Variants in GAN observed in about 807,000 individuals in gnomAD.
The protein encoded by GAN is epididymis secretory sperm binding protein.
Under a neutral mutation model 71.3 loss-of-function variants are expected in GAN, and 48 were observed. The ratio of observed to expected loss-of-function variants is 0.67; its 90% CI spans 0.53 to 0.86. The LOEUF (loss-of-function observed/expected upper bound fraction) is 0.86, where lower values mean the gene tolerates loss of function less well. Among genes scored for constraint, GAN ranks in the 40% least tolerant of loss-of-function variants. GAN has a pLI of 0.00. For synonymous variants in GAN, 386 were observed against 276.8 expected (o/e 1.39, Z -3.92); for missense variants, 928 against 770.1 (o/e 1.21, Z -2.43).
chr16:81,348,253 G>A (rs2150681960), intron 1 of GAN, among the ~76,000 whole-genome samples: 1 of 151,538 alleles, frequency 6.6e-6, no homozygotes, highest in East Asian at 1.9e-4. Flanking sequence ...ACCATTTTTT[G>A]CTGGCTTATG....
Position 81,315,091 on chromosome 16 carries a change from T to C in GAN, c.-23T>C. The C allele has an allele frequency of 6.8e-7, 1 of 1,467,226 alleles. No individual in the cohort carries two copies. Among genetic ancestry groups the C allele is most frequent in the Non-Finnish European group, 9.1e-7 (1 of 1,104,048 alleles). 90.9% of individuals were successfully genotyped at this position (1,467,226 alleles called of 1,614,324 possible). On this transcript the variant is annotated 5_prime_UTR_variant, in exon 1 of 11. Transcript: ENST00000648994. ...CGGACGGTGTCGGGAGCCGGACCCG[T>C]CGGCAGAGGAGCGGGCGCCGCGATG...
intron 1 of GAN, among the ~76,000 whole-genome samples, chr16:81,333,308 TG>T (rs1909649593): frequency 6.6e-6 from 1 of 152,032 alleles, no homozygotes; most frequent in East Asian, 1.9e-4. Context: ...ATTAATAAGT[TG>T]TGGGAGCAAC....
Position 81,384,056 on chromosome 16 carries a change from G to A in GAN, c.*6460G>A, listed in dbSNP as rs1904333664. 1 of 152,116 alleles carries A rather than the reference G, an allele frequency of 6.6e-6. No individual in the cohort carries two copies. Among genetic ancestry groups the A allele is most frequent in the East Asian group, 1.9e-4 (1 of 5,180 alleles). The allele number at this position is 152,116 out of a possible 1,614,324, so 9.4% of individuals were successfully genotyped here. A position where few individuals can be genotyped will look rare whatever the true frequency, so the allele number is the denominator to read the frequency against. ...CAGTCAACTTGGTTTAAATACAACT[G>A]TACTAACTTGCTTTATCATGTTTCC... On this transcript the variant is annotated 3_prime_UTR_variant, in exon 11 of 11. Coordinates refer to ENST00000648994, the MANE Select transcript of GAN (RefSeq NM_022041.4).
In GAN at chr16:81,365,014, T is replaced by C. The variant is rs781073999; in HGVS notation, c.1277T>C (p.Met426Thr). The change falls in exon 8 of 11, where the codon ATG (methionine) becomes ACG (threonine). Residue 426 changes from methionine (M) to threonine (T), a missense_variant. Coordinates refer to ENST00000648994, the MANE Select transcript of GAN (RefSeq NM_022041.4). Reference protein sequence around the residue: ...YAAMKKKIYAMGGGSYGKLFE... With the variant: ...YAAMKKKIYATGGGSYGKLFE... Reference sequence around the variant, plus strand: ...GCTATGAAAAAGAAAATCTACGCCATGGGTGGAGGCTCCTACGGAAAGCTT... The same window carrying C: ...GCTATGAAAAAGAAAATCTACGCCACGGGTGGAGGCTCCTACGGAAAGCTT... The C allele has an allele frequency of 6.2e-7, 1 of 1,613,848 alleles. No individual in the cohort carries two copies. Among genetic ancestry groups the C allele is most frequent in the South Asian group, 1.1e-5 (1 of 91,072 alleles).
At chr16:81,352,889 A>G (rs886091187) in intron 2 of GAN, among the ~76,000 whole-genome samples, 1 of 152,242 alleles carries the variant, frequency 6.6e-6, no homozygotes, top group African/African-American at 2.4e-5. Context: ...AGTTATTAGT[A>G]TAATGAGTTA....
chr16:81,367,125 TC>T (rs1910885535), intron 9 of GAN, among the ~76,000 whole-genome samples: 2 of 152,166 alleles, frequency 1.3e-5, no homozygotes, highest in Non-Finnish European at 2.9e-5. Flanking sequence ...ACCTGGCCTA[TC>T]AGGTTGTTAC....
chr16:81,352,200 A>G (rs1209277244), intron 2 of GAN, among the ~76,000 whole-genome samples: 4 of 152,164 alleles, frequency 2.6e-5, no homozygotes, highest in Non-Finnish European at 5.9e-5. Flanking sequence ...CTTATTCACG[A>G]TGCCCTGGTC....
At chr16:81,354,787 C>T (rs751513023) in intron 3 of GAN, 32 bp downstream of exon 3, 6 of 1,298,524 alleles carry the variant, frequency 4.6e-6, no homozygotes, top group Non-Finnish European at 6.7e-6. Flanking sequence ...GTCAAATTTG[C>T]CTTTTTATTT....
intron 9 of GAN, chr16:81,372,047 C>T (rs892940125): frequency 6.6e-6 from 1 of 152,238 alleles, no homozygotes; most frequent in South Asian, 2.1e-4. Context: ...AATTGATTGC[C>T]CTCTTTTCCT....
chr16:81,358,809 G>A (rs1336001853), intron 5 of GAN, among the ~76,000 whole-genome samples: 1 of 152,192 alleles, frequency 6.6e-6, no homozygotes, highest in African/African-American at 2.4e-5. Flanking sequence ...CTGGCTGCCT[G>A]TCTTTTCGCC....
chr16:81,359,510 C>G (rs1443910483), intron 5 of GAN, among the ~76,000 whole-genome samples: 1 of 150,920 alleles, frequency 6.6e-6, no homozygotes, highest in East Asian at 1.9e-4. Context: ...GTTAATAGTC[C>G]TTTAGGAAGA....
chr16:81,377,558 C>T lies in GAN; in HGVS notation c.1756C>T (p.Gln586Ter). 6.2e-7 allele frequency: 1 copy of T among 1,614,218 alleles called. No individual in the cohort carries two copies. The highest frequency in any genetic ancestry group is 8.5e-7 in the Non-Finnish European group (1 of 1,180,030). ...ANCKLFRLQLQQGLFRIRVHS... is the reference protein window; with the variant it reads ...ANCKLFRLQL ...TTGCAAGCTTTTCCGCCTGCAGCTT[C>T]AGCAAGGCTTATTCCGTATTCGTGT... The change falls in exon 11 of 11, where the codon CAG becomes TAG. Residue 586 changes from glutamine (Q) to a stop codon, truncating the protein, a stop_gained. Coordinates refer to ENST00000648994, the MANE Select transcript of GAN (RefSeq NM_022041.4). LOFTEE classifies it high-confidence loss of function.
At chr16:81,323,484 A>G (rs975603378) in intron 1 of GAN, among the ~76,000 whole-genome samples, 18 of 152,222 alleles carry the variant, frequency 1.2e-4, no homozygotes, top group African/African-American at 4.1e-4. Context: ...TCCTTAAGAA[A>G]TGTCATCACT....
chr16:81,364,087 C>G, intron 7 of GAN, 144 bp downstream of exon 7: 1 of 743,992 alleles, frequency 1.3e-6, no homozygotes, highest in Non-Finnish European at 2.4e-6. Flanking sequence ...CGGTAGTTTG[C>G]CTTCACTGTC....
chr16:81,324,710 A>G (rs534700652), intron 1 of GAN, among the ~76,000 whole-genome samples: 3 of 152,294 alleles, frequency 2.0e-5, no homozygotes, highest in Admixed American at 2.0e-4. Flanking sequence ...CAAAAAAGCA[A>G]TTGATGGCAT....
rs948535231 is a variant in GAN at position 81,381,163 on chromosome 16, C to T, written c.*3567C>T. On this transcript the variant is annotated 3_prime_UTR_variant, in exon 11 of 11. Transcript: ENST00000648994. ...TGGCTTTGCTATGGCACCTAAGTTA[C>T]TCATGGGTAGTTAAGTTTCATTTCT... 1 of 152,184 alleles carries T rather than the reference C, an allele frequency of 6.6e-6. No individual in the cohort carries two copies. Among genetic ancestry groups the T allele is most frequent in the Non-Finnish European group, 1.5e-5 (1 of 68,040 alleles). The allele number at this position is 152,184 out of a possible 1,614,324, so 9.4% of individuals were successfully genotyped here. A position where few individuals can be genotyped will look rare whatever the true frequency, so the allele number is the denominator to read the frequency against.
intron 8 of GAN, 22 bp downstream of exon 8, chr16:81,365,132 T>C (rs1429324062): frequency 8.1e-6 from 13 of 1,611,688 alleles, no homozygotes; most frequent in Non-Finnish European, 1.1e-5. Flanking sequence ...TGGGGTGGAC[T>C]TTGTAGATTC....
At position 81,340,267 on chromosome 16, in the gene GAN, C is replaced by T. The variant is rs542596371; in HGVS notation, c.168-11316C>T. Among the ~76,000 whole-genome samples the T allele has an allele frequency of 3.9e-5, 6 of 152,264 alleles. No individual in the cohort carries two copies. In the South Asian group the frequency reaches 1.2e-3, roughly 32 times the overall value. The stretch of plus-strand genomic sequence containing the variant: ...ACCTGTACTCATTAGAAATGATCCT[C>T]TTTCATTGTGGAAACATATGACAGT... On this transcript the variant is annotated intron_variant, in intron 1 of 10. Coordinates refer to ENST00000648994, the MANE Select transcript of GAN (RefSeq NM_022041.4).
intron 9 of GAN, among the ~76,000 whole-genome samples, chr16:81,366,367 G>T (rs1332450914): frequency 1.3e-5 from 2 of 152,214 alleles, no homozygotes; most frequent in Non-Finnish European, 2.9e-5. Context: ...CGTATGTCTT[G>T]TAGGGTAGAT....
Sources: gnomAD v4.1 joint callset for allele counts (sites outside exome capture counted in the v4.1 genomes callset) on GRCh38, gnomAD v4.1.1 for gene constraint, MANE v1.5 for transcripts, NCBI Gene and HGNC (gene_info 2026-07-23, HGNC 2026-07-21) for gene names.